Variants in TBL1X observed in about 807,000 individuals in gnomAD.
The protein encoded by TBL1X is F-box-like/WD repeat-containing protein TBL1X.
A neutral mutation model predicts 50.7 loss-of-function variants in TBL1X; 10 were observed. The observed-to-expected ratio is 0.20, with a 90% confidence interval of 0.12 to 0.33. The LOEUF (loss-of-function observed/expected upper bound fraction) is 0.33. TBL1X is among the 10% of genes least tolerant of loss of function. TBL1X has a pLI of 1.00. For missense variants in TBL1X, 340 were observed against 504.4 expected, an observed-to-expected ratio of 0.67 and a Z score of 3.12; for synonymous variants, 190 against 214.7, an observed-to-expected ratio of 0.88 and a Z score of 1.01.
chrX:9,496,890 CTT>C (rs2081973811), intron 1 of TBL1X, among the ~76,000 whole-genome samples: 1 of 112,058 alleles, frequency 8.9e-6, no homozygotes, highest in Non-Finnish European at 1.9e-5. Context: ...TGAGAATGAG[CTT>C]TTTCTGGATA....
intron 5 of TBL1X, among the ~76,000 whole-genome samples, chrX:9,679,231 G>A (rs1210115676): frequency 5.5e-5 from 6 of 108,997 alleles, no homozygotes; most frequent in African/African-American, 1.7e-4. Context: ...AACCATGGTG[G>A]GGTTGATGGG....
At chrX:9,628,307 C>T (rs1475482534) in intron 2 of TBL1X, among the ~76,000 whole-genome samples, 1 of 111,891 alleles carries the variant, frequency 8.9e-6, no homozygotes, top group Non-Finnish European at 1.9e-5. Flanking sequence ...CACTGGATGC[C>T]AGCAGCACCC....
intron 2 of TBL1X, among the ~76,000 whole-genome samples, chrX:9,586,967 G>T (rs190688065): frequency 3.6e-5 from 4 of 112,423 alleles, no homozygotes; most frequent in Admixed American, 9.4e-5. Flanking sequence ...ATTGCTGACT[G>T]CAGAGCCTGG....
At chrX:9,585,346 C>A (rs992129743) in intron 2 of TBL1X, among the ~76,000 whole-genome samples, 1 of 94,654 alleles carries the variant, frequency 1.1e-5, no homozygotes, top group African/African-American at 3.9e-5. Context: ...CCCCTCCCCC[C>A]CCCGCCACAG....
At chrX:9,581,525 G>C (rs1194096691) in intron 2 of TBL1X, among the ~76,000 whole-genome samples, 1 of 111,661 alleles carries the variant, frequency 9.0e-6, no homozygotes, top group East Asian at 2.8e-4. Flanking sequence ...GAGACATTTT[G>C]GGTTGTCTCA....
At chrX:9,541,036 C>T (rs1039647124) in intron 2 of TBL1X, among the ~76,000 whole-genome samples, 2 of 111,797 alleles carry the variant, frequency 1.8e-5, no homozygotes, top group African/African-American at 6.5e-5. Context: ...AAAGAGATTT[C>T]ACTCGCCAGG....
At chrX:9,611,061 A>G (rs1275959104) in intron 2 of TBL1X, among the ~76,000 whole-genome samples, 1 of 111,697 alleles carries the variant, frequency 9.0e-6, no homozygotes, top group East Asian at 2.8e-4. Flanking sequence ...TTTTCTCTCA[A>G]TACTTTGCTC....
intron 3 of TBL1X, among the ~76,000 whole-genome samples, chrX:9,649,989 C>T (rs1476110546): frequency 6.3e-5 from 7 of 111,745 alleles, no homozygotes; most frequent in African/African-American, 2.3e-4. Context: ...GGGCATCTCC[C>T]TATGTTGCCA....
intron 3 of TBL1X, among the ~76,000 whole-genome samples, chrX:9,650,566 C>A (rs1338835847): frequency 1.8e-5 from 2 of 111,802 alleles, no homozygotes; most frequent in East Asian, 5.6e-4. Context: ...CCCAGGCTGA[C>A]TCGTCCTTTG....
chrX:9,499,704 A>C (rs1407595384), intron 1 of TBL1X, among the ~76,000 whole-genome samples: 2 of 112,497 alleles, frequency 1.8e-5, no homozygotes, highest in Non-Finnish European at 3.8e-5. Context: ...GGCTAGGTGC[A>C]GTGGCTCATG....
intron 1 of TBL1X, among the ~76,000 whole-genome samples, chrX:9,466,474 A>G (rs899520135): frequency 8.9e-6 from 1 of 112,779 alleles, no homozygotes; most frequent in Non-Finnish European, 1.9e-5. Context: ...ACTGACGTTT[A>G]TTCTCGAGTC....
chrX:9,628,361 A>G (rs759175128), intron 2 of TBL1X, among the ~76,000 whole-genome samples: 17 of 111,351 alleles, frequency 1.5e-4, no homozygotes, highest in East Asian at 2.9e-4. Context: ...ACATTGTCCA[A>G]TGTCCCCTGG....
At chrX:9,496,333 G>A (rs892051856) in intron 1 of TBL1X, among the ~76,000 whole-genome samples, 3 of 112,613 alleles carry the variant, frequency 2.7e-5, no homozygotes, top group Non-Finnish European at 5.6e-5. Context: ...TACAGCCAGA[G>A]GGCCTTGCTC....
chrX:9,709,414 A>G, intron 14 of TBL1X, 92 bp downstream of exon 14: 1 of 1,030,294 alleles, frequency 9.7e-7, no homozygotes. Flanking sequence ...CATGAGGATT[A>G]TTTATTACTG....
chrX:9,676,608 A>G (rs140832382), intron 5 of TBL1X, among the ~76,000 whole-genome samples: 3,489 of 111,870 alleles, frequency 0.031, 139 homozygotes, highest in African/African-American at 0.11. Context: ...AGGCAGCTTC[A>G]TTTTACGCTA....
intron 2 of TBL1X, among the ~76,000 whole-genome samples, chrX:9,569,229 T>G (rs2082371166): frequency 9.3e-6 from 1 of 107,524 alleles, no homozygotes; most frequent in Non-Finnish European, 1.9e-5. Context: ...GTCTTTGTGG[T>G]GTCTGCAGTG....
At chrX:9,565,271 CA>C (rs757679440) in intron 2 of TBL1X, among the ~76,000 whole-genome samples, 1,297 of 37,263 alleles carry the variant, frequency 0.035, 25 homozygotes, top group African/African-American at 0.13. Context: ...GACTCCGTCT[CA>C]AAAAAAAAAA....
At chrX:9,545,683 T>C in intron 2 of TBL1X, among the ~76,000 whole-genome samples, 1 of 110,859 alleles carries the variant, frequency 9.0e-6, no homozygotes, top group East Asian at 2.8e-4. Flanking sequence ...CTCTTCTCCT[T>C]CCCTTCACTC....
At position 9,718,170 on chromosome X, in the gene TBL1X, T is replaced by TG. The variant is rs2083290334; in HGVS notation, c.*1925dup. The TG allele has an allele frequency of 9.0e-6, 1 of 110,891 alleles. No homozygotes were observed. The highest frequency in any genetic ancestry group is 2.9e-4 in the East Asian group (1 of 3,485). The allele number at this position is 110,891 out of a possible 1,213,427, so 9.1% of individuals were successfully genotyped here. A position where few individuals can be genotyped will look rare whatever the true frequency, so the allele number is the denominator to read the frequency against. On this transcript the variant is annotated 3_prime_UTR_variant, in exon 18 of 18. Coordinates refer to ENST00000645353, the MANE Select transcript of TBL1X (RefSeq NM_005647.4). ...AGTGGGTAGGGTGCAATCTGGTGTG[T>TG]GTTCCAGCAGTGAGACGGTGTTATT...
Sources: gnomAD v4.1 joint callset for allele counts (sites outside exome capture counted in the v4.1 genomes callset) on GRCh38, gnomAD v4.1.1 for gene constraint, MANE v1.5 for transcripts, NCBI Gene and HGNC (gene_info 2026-07-23, HGNC 2026-07-21) for gene names.